The following DYNC2H1 variants were observed in gnomAD, a reference collection of about 807,000 sequenced individuals.
DYNC2H1 encodes cytoplasmic dynein 2 heavy chain 1.
A neutral mutation model predicts 570.0 loss-of-function variants in DYNC2H1; 410 were observed. The observed-to-expected ratio is 0.72, with a 90% CI of 0.66 to 0.78. The LOEUF (loss-of-function observed/expected upper bound fraction) is 0.78. DYNC2H1 is among the 30% of genes least tolerant of loss of function. The probability of loss-of-function intolerance (pLI) is 0.00; values close to 1 mark genes in which losing one functional copy is unlikely to be tolerated. For synonymous variants in DYNC2H1, 1,688 were observed against 1,677.6 expected, an observed-to-expected ratio of 1.01 and a Z score of -0.15; for missense variants, 4,865 against 5,046.4, an observed-to-expected ratio of 0.96 and a Z score of 1.09.
intron 84 of DYNC2H1, among the ~76,000 whole-genome samples, chr11:103,414,558 A>C (rs749481418): frequency 6.7e-6 from 1 of 150,152 alleles, no homozygotes; most frequent in Non-Finnish European, 1.5e-5. Context: ...GAAAGAAATA[A>C]AGGATATTCA....
intron 65 of DYNC2H1, among the ~76,000 whole-genome samples, chr11:103,246,302 G>C (rs1864614564): frequency 3.9e-5 from 6 of 151,958 alleles, no homozygotes; most frequent in Admixed American, 3.9e-4. Context: ...CTAGTTTCTT[G>C]CTATGATATC....
intron 6 of DYNC2H1, among the ~76,000 whole-genome samples, chr11:103,118,349 G>A (rs1858522380): frequency 1.3e-5 from 2 of 149,770 alleles, no homozygotes; most frequent in Non-Finnish European, 3.0e-5. Context: ...CTTTATTAGA[G>A]ACTTTTTTAA....
At chr11:103,389,959 A>C (rs1299120781) in intron 83 of DYNC2H1, among the ~76,000 whole-genome samples, 2 of 152,180 alleles carry the variant, frequency 1.3e-5, no homozygotes, top group African/African-American at 4.8e-5. Flanking sequence ...GGTGCTGAGA[A>C]GAATGTATAT....
At chr11:103,283,848 AG>A (rs908038898) in intron 73 of DYNC2H1, among the ~76,000 whole-genome samples, 16 of 151,706 alleles carry the variant, frequency 1.1e-4, no homozygotes, top group African/African-American at 3.4e-4. Context: ...AATGAAAAAA[AG>A]GGGGGGGAAT....
intron 17 of DYNC2H1, among the ~76,000 whole-genome samples, chr11:103,142,443 A>G (rs1421452166): frequency 6.6e-6 from 1 of 152,050 alleles, no homozygotes; most frequent in African/African-American, 2.4e-5. Context: ...GCTGAGGCTA[A>G]TGGATCATTT....
chr11:103,257,896 TA>T (rs2135268103), intron 69 of DYNC2H1, 145 bp downstream of exon 69: 1 of 859,828 alleles, frequency 1.2e-6, no homozygotes, highest in East Asian at 3.3e-5. Flanking sequence ...TTAAGCTATA[TA>T]AAGAAACTAC....
At chr11:103,150,816 C>T (rs974902027) in intron 20 of DYNC2H1, among the ~76,000 whole-genome samples, 10 of 151,936 alleles carry the variant, frequency 6.6e-5, no homozygotes, top group African/African-American at 2.4e-4. Flanking sequence ...GTCACAAAAG[C>T]TAAAGGAGAG....
intron 75 of DYNC2H1, among the ~76,000 whole-genome samples, chr11:103,296,915 C>G (rs1866854824): frequency 6.6e-6 from 1 of 151,712 alleles, no homozygotes; most frequent in Non-Finnish European, 1.5e-5. Context: ...TTTTTCATTC[C>G]CCAACCCTCT....
At chr11:103,121,348 A>G in intron 9 of DYNC2H1, 24 bp from the exon 10 acceptor site, 3 of 1,567,000 alleles carry the variant, frequency 1.9e-6, no homozygotes, top group Non-Finnish European at 2.6e-6. Flanking sequence ...CTTTGTAATC[A>G]TTTATTTGAT....
intron 75 of DYNC2H1, among the ~76,000 whole-genome samples, chr11:103,300,784 G>A (rs775852886): frequency 3.9e-5 from 6 of 151,904 alleles, no homozygotes; most frequent in Non-Finnish European, 8.8e-5. Context: ...TTGCCCTCAT[G>A]AAGTTTACAG....
At chr11:103,113,490 A>G in intron 1 of DYNC2H1, 47 bp from the exon 2 acceptor site, 4 of 1,401,270 alleles carry the variant, frequency 2.9e-6, no homozygotes, top group Non-Finnish European at 2.8e-6. Context: ...TTTTTTTCAA[A>G]TATTAAATTT....
At position 103,171,047 on chromosome 11, in the gene DYNC2H1, A is replaced by G. The variant is rs144553338; in HGVS notation, c.5313A>G (p.Val1771=). The change falls in exon 34 of 89, where the codon GTA becomes GTG. Residue 1771 remains valine, a synonymous_variant. Transcript: ENST00000375735. ...IQDALKNHRT[V]CELLGKEVEV... ...ATGCTTTGAAGAATCATAGAACTGT[A>G]TGTGAACTGCTTGGCAAGGAGGTAT... 376 of 1,602,444 alleles carry G rather than the reference A, an allele frequency of 2.3e-4. No homozygotes were observed. The East Asian group carries it at 8.1e-3, about 35-fold the overall frequency.
intron 12 of DYNC2H1, among the ~76,000 whole-genome samples, chr11:103,125,963 T>C (rs1400972546): frequency 2.6e-5 from 4 of 152,226 alleles, no homozygotes; most frequent in African/African-American, 9.6e-5. Context: ...AGTCACTTTC[T>C]CTGTTGTGTC....
At chr11:103,242,761 G>T (rs575574171) in intron 63 of DYNC2H1, among the ~76,000 whole-genome samples, 1 of 151,760 alleles carries the variant, frequency 6.6e-6, no homozygotes, top group Non-Finnish European at 1.5e-5. Flanking sequence ...AGTCTCTGTC[G>T]CCAGGCTAGA....
chr11:103,416,680 A>G (rs72985434), intron 84 of DYNC2H1, among the ~76,000 whole-genome samples: 8,092 of 152,288 alleles, frequency 0.053, 267 homozygotes, highest in Non-Finnish European at 0.077. Context: ...AAAAACTTCA[A>G]TGTAAAACCC....
At chr11:103,342,966 C>T (rs1939543898) in intron 82 of DYNC2H1, among the ~76,000 whole-genome samples, 1 of 152,042 alleles carries the variant, frequency 6.6e-6, no homozygotes, top group Non-Finnish European at 1.5e-5. Context: ...TCCTATTTTT[C>T]CTTAGAATTT....
In DYNC2H1 at chr11:103,156,415, G is replaced by T. The variant is rs746130780; in HGVS notation, c.3772G>T (p.Val1258Phe). ...TTTAAATAGTCGGGCACAAGGTGAA[G>T]TTACAATCAGAGAAGCTTTACGTGA... ...KDLNSRAQGE[V>F]TIREALRELD... The change falls in exon 26 of 89, where the codon GTT becomes TTT. Residue 1258 changes from valine (V) to phenylalanine (F), a missense_variant. Coordinates refer to ENST00000375735, the MANE Select transcript of DYNC2H1 (RefSeq NM_001377.3). 1.1e-5 allele frequency: 18 copies of T among 1,613,418 alleles called. No homozygotes were observed. The East Asian group carries it at 4.0e-4, about 36-fold the overall frequency.
intron 46 of DYNC2H1, 24 bp downstream of exon 46, chr11:103,191,643 TGTG>T (rs753743510): frequency 3.9e-6 from 4 of 1,033,200 alleles, no homozygotes; most frequent in Non-Finnish European, 4.0e-6. Flanking sequence ...GTGTGTATCT[TGTG>T]TGTGTGTGTG....
intron 75 of DYNC2H1, chr11:103,287,846 A>G: frequency 2.6e-6 from 1 of 378,270 alleles, no homozygotes; most frequent in East Asian, 4.3e-5. Context: ...CTGATTTAGC[A>G]AGACAGGAGA....
Sources: gnomAD v4.1 joint callset for allele counts (sites outside exome capture counted in the v4.1 genomes callset) on GRCh38, gnomAD v4.1.1 for gene constraint, MANE v1.5 for transcripts, NCBI Gene and HGNC (gene_info 2026-07-23, HGNC 2026-07-21) for gene names.